Variants in ASB18 observed in about 807,000 individuals in gnomAD.
ASB18 encodes ankyrin repeat and SOCS box containing 18.
In ASB18, 33 loss-of-function variants were observed where a neutral mutation model predicts 33.4. That is an observed-to-expected ratio of 0.99 (90% CI 0.75 to 1.32). The LOEUF (loss-of-function observed/expected upper bound fraction) is 1.32. Among genes scored for constraint, ASB18 ranks in the 40% most tolerant of loss-of-function variants. ASB18 has a pLI of 0.00. For missense variants in ASB18, 694 were observed against 655.5 expected, an observed-to-expected ratio of 1.06 and a Z score of -0.64; for synonymous variants, 295 against 307.6, an observed-to-expected ratio of 0.96 and a Z score of 0.43.
rs561469785 is a variant in ASB18, at chr2:236,257,426, A to G, written c.205+6715T>C. Among the ~76,000 whole-genome samples, 1 of 152,128 alleles carries G rather than the reference A, an allele frequency of 6.6e-6. No homozygotes were observed. The highest frequency in any genetic ancestry group is 2.1e-4 in the South Asian group (1 of 4,816). The stretch of plus-strand genomic sequence containing the variant: ...CCTCTCGCTTCCCATTTCTGTTTTT[A>G]TTCTCCAGCCTAGCACCCCACTTAC... On this transcript the variant is annotated intron_variant, in intron 1 of 5. Coordinates refer to ENST00000409749, the MANE Select transcript of ASB18 (RefSeq NM_212556.4). This position sits in a 1 kb window ranked among gnomAD's most constrained non-coding sequence, Gnocchi z 5.5.
chr2:236,257,456 C>T lies in ASB18; in HGVS notation c.205+6685G>A, dbSNP rs1470355666. 1.3e-5 allele frequency among the ~76,000 whole-genome samples: 2 copies of T among 152,086 alleles called. No homozygotes were observed. Among genetic ancestry groups the T allele is most frequent in the African/African-American group, 4.8e-5 (2 of 41,392 alleles). The stretch of plus-strand genomic sequence containing the variant: ...CCAGCCTAGCACCCCACTTACTTGC[C>T]CATGATTTTTTGGGATTATTTTTGC... On this transcript the variant is annotated intron_variant, in intron 1 of 5. Coordinates refer to ENST00000409749, the MANE Select transcript of ASB18 (RefSeq NM_212556.4). The surrounding 1 kb of genome is among the most constrained non-coding windows in gnomAD (Gnocchi z 5.5).
At chr2:236,224,185 GTTTTTTTTTTTT>G (rs1161648778) in intron 3 of ASB18, among the ~76,000 whole-genome samples, 222 of 66,808 alleles carry the variant, frequency 3.3e-3, no homozygotes, top group Non-Finnish European at 3.9e-3. Flanking sequence ...GTGTTGTCAG[GTTTTTTTTTTTT>G]TTTTTTTTTT....
At chr2:236,236,316 A>G (rs142167456) in intron 3 of ASB18, among the ~76,000 whole-genome samples, 137 of 152,292 alleles carry the variant, frequency 9.0e-4, no homozygotes, top group African/African-American at 3.2e-3. Context: ...ACAAAATTCT[A>G]GAAAATTCAG....
rs781416366 is a variant in ASB18 at position 236,225,576 on chromosome 2, T to TTA, written c.597-10712_597-10711dup. ...AATAGGGCGTCAACACATTCTTTTCTTATTTTAATTATCTCGAATAAAAAG... is the reference window on the plus strand; with the variant it reads ...AATAGGGCGTCAACACATTCTTTTCTTATATTTTAATTATCTCGAATAAAAAG... On this transcript the variant is annotated intron_variant, in intron 3 of 5. Coordinates refer to ENST00000409749, the MANE Select transcript of ASB18 (RefSeq NM_212556.4). The surrounding 1 kb of genome is among the most constrained non-coding windows in gnomAD (Gnocchi z 5.1). Among the ~76,000 whole-genome samples the TTA allele has an allele frequency of 9.2e-5, 14 of 152,226 alleles. No individual in the cohort carries two copies. The highest frequency in any genetic ancestry group is 1.6e-4 in the Non-Finnish European group (11 of 68,050).
At position 236,249,242 on chromosome 2, in the gene ASB18, C is replaced by G. The variant is rs896720217; in HGVS notation, c.206-7840G>C. ...TGCTTCCTGGTGTTGTCCTTGATCT[C>G]TATGTTTGCTTGCATTGTGTACCTT... is the stretch of plus-strand genomic sequence containing the variant. On this transcript the variant is annotated intron_variant, in intron 1 of 5. Coordinates refer to ENST00000409749, the MANE Select transcript of ASB18 (RefSeq NM_212556.4). This position sits in a 1 kb window ranked among gnomAD's most constrained non-coding sequence, Gnocchi z 4.6. The G allele has an allele frequency of 3.9e-5, 6 of 152,292 alleles. No homozygotes were observed. The highest frequency in any genetic ancestry group is 1.3e-4 in the Admixed American group (2 of 15,296). 9.4% of individuals were successfully genotyped at this position (152,292 alleles called of 1,614,324 possible). A position where few individuals can be genotyped will look rare whatever the true frequency, so the allele number is the denominator to read the frequency against.
Position 236,214,341 on chromosome 2 carries a change from C to G in ASB18, c.1101+21G>C. 1 of 1,557,894 alleles carries G rather than the reference C, an allele frequency of 6.4e-7. No individual in the cohort carries two copies. Among genetic ancestry groups the G allele is most frequent in the African/African-American group, 1.4e-5 (1 of 73,368 alleles). On this transcript the variant is annotated intron_variant, in intron 4 of 5. Coordinates refer to ENST00000409749, the MANE Select transcript of ASB18 (RefSeq NM_212556.4). This position sits in a 1 kb window ranked among gnomAD's most constrained non-coding sequence, Gnocchi z 6.5. Reference sequence around the variant, plus strand: ...GGCAAAACTCCAGGGCACGTGCCAGCCGGGCTGGATCCTGCCTTACCTTGG... The same window carrying G: ...GGCAAAACTCCAGGGCACGTGCCAGGCGGGCTGGATCCTGCCTTACCTTGG...
chr2:236,208,055 A>G lies in ASB18; in HGVS notation c.1101+6307T>C, dbSNP rs1185726278. Among the ~76,000 whole-genome samples, 4 of 151,862 alleles carry G rather than the reference A, an allele frequency of 2.6e-5. No individual in the cohort carries two copies. Among genetic ancestry groups the G allele is most frequent in the African/African-American group, 7.3e-5 (3 of 41,342 alleles). On this transcript the variant is annotated intron_variant, in intron 4 of 5. Coordinates refer to ENST00000409749, the MANE Select transcript of ASB18 (RefSeq NM_212556.4). This position sits in a 1 kb window ranked among gnomAD's most constrained non-coding sequence, Gnocchi z 7.7. ...CTAGACTGGGCATCATATCGACATC[A>G]TAAGAGCTATTATCGGTGGTCCCCT...
rs993776377 is a variant in ASB18 at position 236,211,657 on chromosome 2, G to A, written c.1101+2705C>T. 1.3e-5 allele frequency among the ~76,000 whole-genome samples: 2 copies of A among 152,232 alleles called. No homozygotes were observed. The highest frequency in any genetic ancestry group is 2.9e-5 in the Non-Finnish European group (2 of 68,042). ...ATCTTTGTGGCTGGCTGCAGCGTCTGTTGCTTTGATGTCGCACATGATTAG... is the reference window on the plus strand; with the variant it reads ...ATCTTTGTGGCTGGCTGCAGCGTCTATTGCTTTGATGTCGCACATGATTAG... On this transcript the variant is annotated intron_variant, in intron 4 of 5. Coordinates refer to ENST00000409749, the MANE Select transcript of ASB18 (RefSeq NM_212556.4). This position sits in a 1 kb window ranked among gnomAD's most constrained non-coding sequence, Gnocchi z 5.0.
chr2:236,260,661 A>G lies in ASB18; in HGVS notation c.205+3480T>C, dbSNP rs569117280. On this transcript the variant is annotated intron_variant, in intron 1 of 5. Transcript: ENST00000409749. This position sits in a 1 kb window ranked among gnomAD's most constrained non-coding sequence, Gnocchi z 5.1. The stretch of plus-strand genomic sequence containing the variant: ...CATGGAGAAGGAGGGAACCTAAACG[A>G]TGAACCAAGCCAGCAGTGGTTCCCA... Among the ~76,000 whole-genome samples the G allele has an allele frequency of 1.6e-4, 25 of 152,208 alleles. No homozygotes were observed. Among genetic ancestry groups the G allele is most frequent in the Non-Finnish European group, 3.2e-4 (22 of 68,038 alleles).
rs13400862 is a variant in ASB18 at position 236,196,685 on chromosome 2, G to A, written c.1102-300C>T. ...TCAGGTTCCCAGGGGGGCTATGCTG[G>A]TGGCTTGGCAGGCCTCCTTGGCCCC... is the stretch of plus-strand genomic sequence containing the variant. On this transcript the variant is annotated intron_variant, in intron 4 of 5. Coordinates refer to ENST00000409749, the MANE Select transcript of ASB18 (RefSeq NM_212556.4). This position sits in a 1 kb window ranked among gnomAD's most constrained non-coding sequence, Gnocchi z 5.6. Among the ~76,000 whole-genome samples, 9,120 of 152,284 alleles carry A rather than the reference G, an allele frequency of 0.06. 943 individuals are homozygous for A. The highest frequency in any genetic ancestry group is 0.21 in the African/African-American group (8,658 of 41,536).
Position 236,213,761 on chromosome 2 carries a change from T to G in ASB18, c.1101+601A>C, listed in dbSNP as rs2060469272. 6.5e-6 allele frequency: 1 copy of G among 153,408 alleles called. No individual in the cohort carries two copies. The highest frequency in any genetic ancestry group is 3.2e-3 in the Middle Eastern group (1 of 316). The allele number at this position is 153,408 out of a possible 1,614,324, so 9.5% of individuals were successfully genotyped here. A position where few individuals can be genotyped will look rare whatever the true frequency, so the allele number is the denominator to read the frequency against. On this transcript the variant is annotated intron_variant, in intron 4 of 5. Coordinates refer to ENST00000409749, the MANE Select transcript of ASB18 (RefSeq NM_212556.4). This position sits in a 1 kb window ranked among gnomAD's most constrained non-coding sequence, Gnocchi z 4.8. ...GTGAGGTCCCAACACTGCAATGACC[T>G]GGGCAGGGCACTTCACCTGACCGAA...
At chr2:236,207,069 G>T (rs2106265674) in intron 4 of ASB18, among the ~76,000 whole-genome samples, 1 of 152,292 alleles carries the variant, frequency 6.6e-6, no homozygotes, top group South Asian at 2.1e-4. Flanking sequence ...GTTTCCCATG[G>T]TGTCTCCCAT....
rs765543560 is a variant in ASB18, at chr2:236,196,017, C to T, written c.1215+255G>A. On this transcript the variant is annotated intron_variant, in intron 5 of 5. Transcript: ENST00000409749. This position sits in a 1 kb window ranked among gnomAD's most constrained non-coding sequence, Gnocchi z 5.6. ...CTTTGGACACTGGTTAAGGAACCCT[C>T]GCGCTTTTCAGGCCAGCACGGGGCT... 6.0e-6 allele frequency: 3 copies of T among 498,868 alleles called. No individual in the cohort carries two copies. Among genetic ancestry groups the T allele is most frequent in the East Asian group, 4.0e-5 (1 of 25,308 alleles). 30.9% of individuals were successfully genotyped at this position (498,868 alleles called of 1,614,324 possible). A position where few individuals can be genotyped will look rare whatever the true frequency, so the allele number is the denominator to read the frequency against.
rs1365020605 is a variant in ASB18 at position 236,194,997 on chromosome 2, G to A, written c.1276C>T (p.His426Tyr). Reference protein sequence around the residue: ...ALALTPRCLQHLCRCALRRLF... With the variant: ...ALALTPRCLQYLCRCALRRLF... ...CTGCGAAGAGCACAGCGGCAAAGATGCTGCAGGCAGCGTGGGGTGAGGGCC... is the reference window on the plus strand; with the variant it reads ...CTGCGAAGAGCACAGCGGCAAAGATACTGCAGGCAGCGTGGGGTGAGGGCC... The change falls in exon 6 of 6, where the codon CAT (histidine) becomes TAT (tyrosine). Residue 426 changes from histidine (H) to tyrosine (Y), a missense_variant. By Grantham distance (83) the His-to-Tyr change is moderately conservative (BLOSUM62 2). Transcript: ENST00000409749. This position sits in a 1 kb window ranked among gnomAD's most constrained non-coding sequence, Gnocchi z 4.5. 1.2e-6 allele frequency: 2 copies of A among 1,613,890 alleles called. No individual in the cohort carries two copies. The highest frequency in any genetic ancestry group is 2.2e-5 in the South Asian group (2 of 91,028).
At chr2:236,227,023 A>G (rs1262877405) in intron 3 of ASB18, among the ~76,000 whole-genome samples, 3 of 152,202 alleles carry the variant, frequency 2.0e-5, no homozygotes, top group East Asian at 3.8e-4. Context: ...GGATTTTACC[A>G]TGTTTCCCAC....
chr2:236,259,585 G>A lies in ASB18; in HGVS notation c.205+4556C>T, dbSNP rs1257825366. On this transcript the variant is annotated intron_variant, in intron 1 of 5. Coordinates refer to ENST00000409749, the MANE Select transcript of ASB18 (RefSeq NM_212556.4). This position sits in a 1 kb window ranked among gnomAD's most constrained non-coding sequence, Gnocchi z 4.4. ...GACCTCCCCTGCATGGGGTCGGAAGGATGAGATGGCAAAGGTGAGCAGAGG... is the reference window on the plus strand; with the variant it reads ...GACCTCCCCTGCATGGGGTCGGAAGAATGAGATGGCAAAGGTGAGCAGAGG... 2.1e-6 allele frequency: 1 copy of A among 471,186 alleles called. No homozygotes were observed. The allele number at this position is 471,186 out of a possible 1,614,324, so 29.2% of individuals were successfully genotyped here. A position where few individuals can be genotyped will look rare whatever the true frequency, so the allele number is the denominator to read the frequency against.
chr2:236,206,906 G>C (rs1239626700), intron 4 of ASB18, among the ~76,000 whole-genome samples: 1 of 152,234 alleles, frequency 6.6e-6, no homozygotes, highest in African/African-American at 2.4e-5. Context: ...AGCAAGTTGA[G>C]TCAGGGGCTA....
In ASB18 at chr2:236,217,985, A is replaced by G. The variant is rs572946873; in HGVS notation, c.597-3119T>C. On this transcript the variant is annotated intron_variant, in intron 3 of 5. Coordinates refer to ENST00000409749, the MANE Select transcript of ASB18 (RefSeq NM_212556.4). This position sits in a 1 kb window ranked among gnomAD's most constrained non-coding sequence, Gnocchi z 5.2. Reference sequence around the variant, plus strand: ...CTGTGTGCACTTGCAAACAATTACAAAACATTTTCTTCTTTTTAAAGAAAA... The same window carrying G: ...CTGTGTGCACTTGCAAACAATTACAGAACATTTTCTTCTTTTTAAAGAAAA... Among the ~76,000 whole-genome samples the G allele has an allele frequency of 2.6e-5, 4 of 152,366 alleles. No individual in the cohort carries two copies. The South Asian group carries it at 8.3e-4, about 32-fold the overall frequency.
Position 236,259,012 on chromosome 2 carries a change from C to T in ASB18, c.205+5129G>A, listed in dbSNP as rs1189852999. 6.6e-6 allele frequency among the ~76,000 whole-genome samples: 1 copy of T among 152,132 alleles called. No homozygotes were observed. Among genetic ancestry groups the T allele is most frequent in the African/African-American group, 2.4e-5 (1 of 41,410 alleles). On this transcript the variant is annotated intron_variant, in intron 1 of 5. Transcript: ENST00000409749. The surrounding 1 kb of genome is among the most constrained non-coding windows in gnomAD (Gnocchi z 4.4). Reference sequence around the variant, plus strand: ...TTAAGTCGTTTGATTACACCAGTTACCAAATTGTACAGTTGATGCATTTGG... The same window carrying T: ...TTAAGTCGTTTGATTACACCAGTTATCAAATTGTACAGTTGATGCATTTGG...
Sources: gnomAD v4.1 joint callset for allele counts (sites outside exome capture counted in the v4.1 genomes callset) on GRCh38, gnomAD v4.1.1 for gene constraint, Gnocchi (gnomAD v3.1) non-coding constraint, MANE v1.5 for transcripts, NCBI Gene and HGNC (gene_info 2026-07-23, HGNC 2026-07-21) for gene names.